The following GATB variants were observed in gnomAD, a reference collection of about 807,000 sequenced individuals.
GATB encodes glutamyl-tRNA(Gln) amidotransferase subunit B, mitochondrial.
Under a neutral mutation model 62.3 loss-of-function variants are expected in GATB, and 39 were observed. The ratio of observed to expected loss-of-function variants is 0.63; its 90% confidence interval spans 0.48 to 0.82. GATB has a LOEUF of 0.82. Among genes scored for constraint, GATB ranks in the 40% least tolerant of loss-of-function variants. The pLI, the probability that GATB is intolerant of heterozygous loss-of-function variation, is 0.00. For missense variants in GATB, 670 were observed against 684.0 expected (o/e 0.98, Z 0.23); for synonymous variants, 276 against 258.9 (o/e 1.07, Z -0.63).
At chr4:151,756,273 G>T (rs1487193340) in intron 2 of GATB, among the ~76,000 whole-genome samples, 1 of 152,042 alleles carries the variant, frequency 6.6e-6, no homozygotes, top group East Asian at 1.9e-4. Flanking sequence ...TCAAATTATT[G>T]GTTTCTTATG....
At chr4:151,697,953 G>GTGTATATATATA (rs1186735671) in intron 9 of GATB, among the ~76,000 whole-genome samples, 48 of 40,540 alleles carry the variant, frequency 1.2e-3, no homozygotes, top group African/African-American at 3.0e-3. Context: ...GTGTGTGTGT[G>GTGTATATATATA]TATATATATA....
In GATB at chr4:151,703,865, T is replaced by G; in HGVS notation, c.993A>C (p.Gly331=). 6.2e-7 allele frequency: 1 copy of G among 1,606,616 alleles called. No individual in the cohort carries two copies. Among genetic ancestry groups the G allele is most frequent in the Admixed American group, 1.7e-5 (1 of 60,004 alleles). The change falls in exon 8 of 13, where the codon GGA becomes GGC. Residue 331 remains glycine (G), a synonymous_variant. Transcript: ENST00000263985. ...GCTMSMRDKE[G]KQDYRFMPEP... The stretch of plus-strand genomic sequence containing the variant: ...GGAGTAACCACCTGTAGTCCTGTTT[T>G]CCTTCTTTGTCTCTCATTGACATGG...
chr4:151,753,198 T>C (rs537168233), intron 2 of GATB, among the ~76,000 whole-genome samples: 1 of 152,238 alleles, frequency 6.6e-6, no homozygotes, highest in African/African-American at 2.4e-5. Context: ...TGAGCTGAAT[T>C]TCTCCAAAGA....
At chr4:151,675,403 CAACAG>C (rs1737978488) in intron 11 of GATB, 1 of 152,370 alleles carries the variant, frequency 6.6e-6, no homozygotes, top group Non-Finnish European at 1.5e-5. Flanking sequence ...TAGGCTTATA[CAACAG>C]ACGCCGGTTG....
chr4:151,706,679 T>C (rs1738722450), intron 6 of GATB, among the ~76,000 whole-genome samples: 1 of 150,600 alleles, frequency 6.6e-6, no homozygotes, highest in Non-Finnish European at 1.5e-5. Flanking sequence ...CATTGAGTGG[T>C]TGATTCACTT....
rs181114212 is a variant in GATB at position 151,734,762 on chromosome 4, C to T, written c.328-15224G>A. On this transcript the variant is annotated intron_variant, in intron 2 of 12. Transcript: ENST00000263985. ...TAGACCAATGGAACAGAATAGAGAACCCAGAAATAAACCCACATCCTTACA... is the reference window on the plus strand; with the variant it reads ...TAGACCAATGGAACAGAATAGAGAATCCAGAAATAAACCCACATCCTTACA... Among the ~76,000 whole-genome samples the T allele has an allele frequency of 1.1e-3, 164 of 152,256 alleles. 2 individuals are homozygous for T. The highest frequency in any genetic ancestry group is 6.8e-3 in the Middle Eastern group (2 of 294).
chr4:151,752,078 G>C (rs1213160468), intron 2 of GATB, among the ~76,000 whole-genome samples: 1 of 152,126 alleles, frequency 6.6e-6, no homozygotes, highest in African/African-American at 2.4e-5. Flanking sequence ...CCGAATTCTA[G>C]GTTAGAATTA....
At chr4:151,678,661 C>T (rs1257203866) in intron 11 of GATB, among the ~76,000 whole-genome samples, 1 of 152,130 alleles carries the variant, frequency 6.6e-6, no homozygotes, top group Non-Finnish European at 1.5e-5. Context: ...TCCACAGCAC[C>T]CAGCCCGGTG....
At chr4:151,709,645 T>C (rs1235611190) in intron 5 of GATB, among the ~76,000 whole-genome samples, 1 of 152,214 alleles carries the variant, frequency 6.6e-6, no homozygotes, top group Non-Finnish European at 1.5e-5. Context: ...TTTCCATGGC[T>C]ACCACCCTTG....
chr4:151,709,322 C>T (rs997676046), intron 5 of GATB, among the ~76,000 whole-genome samples: 2 of 152,112 alleles, frequency 1.3e-5, no homozygotes, highest in Non-Finnish European at 1.5e-5. Context: ...GGGAAGGGCT[C>T]GCCCAATTGC....
chr4:151,705,328 C>G, intron 6 of GATB, 59 bp from the exon 7 acceptor site: 1 of 1,028,772 alleles, frequency 9.7e-7, no homozygotes. Flanking sequence ...TCCAGTCAAG[C>G]AATAATTAGA....
intron 8 of GATB, 36 bp downstream of exon 8, chr4:151,703,815 G>T: frequency 7.1e-7 from 1 of 1,413,874 alleles, no homozygotes. Context: ...CCCAGCCCCC[G>T]ATATATAGCG....
At chr4:151,757,402 T>C (rs1178615832) in intron 2 of GATB, among the ~76,000 whole-genome samples, 1 of 151,662 alleles carries the variant, frequency 6.6e-6, no homozygotes, top group Admixed American at 6.6e-5. Context: ...TCTTCCACTT[T>C]GGTCAGTGAC....
chr4:151,734,669 C>T (rs560084999), intron 2 of GATB, among the ~76,000 whole-genome samples: 1 of 152,246 alleles, frequency 6.6e-6, no homozygotes, highest in South Asian at 2.1e-4. Flanking sequence ...CATCACACTA[C>T]CTGATTTTAA....
intron 2 of GATB, among the ~76,000 whole-genome samples, chr4:151,751,720 T>C (rs761100551): frequency 6.6e-6 from 1 of 152,252 alleles, no homozygotes; most frequent in African/African-American, 2.4e-5. Flanking sequence ...TATGATTACA[T>C]TTCCTTTCTT....
chr4:151,711,910 G>A (rs552764619), intron 5 of GATB, among the ~76,000 whole-genome samples: 4 of 152,130 alleles, frequency 2.6e-5, no homozygotes, highest in African/African-American at 4.8e-5. Flanking sequence ...CTACAGTTCC[G>A]TCTGAATAGG....
rs1337957110 is a variant in GATB at position 151,703,853 on chromosome 4, G to A, written c.1005C>T (p.Tyr335=). The A allele has an allele frequency of 1.3e-6, 2 of 1,595,002 alleles. No individual in the cohort carries two copies. Among genetic ancestry groups the A allele is most frequent in the African/African-American group, 1.3e-5 (1 of 74,520 alleles). ...ATTTTGCCATAAGGAGTAACCACCTGTAGTCCTGTTTTCCTTCTTTGTCTC... is the reference window on the plus strand; with the variant it reads ...ATTTTGCCATAAGGAGTAACCACCTATAGTCCTGTTTTCCTTCTTTGTCTC... ...SMRDKEGKQD[Y]RFMPEPNLPP... Residue 335 remains tyrosine, a splice_region_variant and synonymous_variant, in exon 8 of 13, where the codon TAC becomes TAT. Transcript: ENST00000263985.
In GATB at chr4:151,700,158, G is replaced by A. The variant is rs548735040; in HGVS notation, c.1197+1171C>T. ...CTTTGGGTTAAGAGGTGCTCTGTACGGAATGCTGACTGACTCAGTCATAGT... is the reference window on the plus strand; with the variant it reads ...CTTTGGGTTAAGAGGTGCTCTGTACAGAATGCTGACTGACTCAGTCATAGT... On this transcript the variant is annotated intron_variant, in intron 9 of 12. Transcript: ENST00000263985. Among the ~76,000 whole-genome samples the A allele has an allele frequency of 7.5e-4, 114 of 152,336 alleles. No individual in the cohort carries two copies. The Middle Eastern group carries it at 0.02, about 27-fold the overall frequency.
chr4:151,750,180 C>A (rs1394034611), intron 2 of GATB, among the ~76,000 whole-genome samples: 1 of 152,140 alleles, frequency 6.6e-6, no homozygotes, highest in Admixed American at 6.5e-5. Context: ...CACGCCCAGC[C>A]CCTAACTTAA....
Sources: gnomAD v4.1 joint callset for allele counts (sites outside exome capture counted in the v4.1 genomes callset) on GRCh38, gnomAD v4.1.1 for gene constraint, MANE v1.5 for transcripts, NCBI Gene and HGNC (gene_info 2026-07-23, HGNC 2026-07-21) for gene names.